SOX5: variants seen among roughly 807,000 people sequenced by gnomAD.
SOX5 encodes the protein SRY-box transcription factor 5, also known as transcription factor SOX-5.
In SOX5, 9 loss-of-function variants were observed where a neutral mutation model predicts 92.0. That is an observed-to-expected ratio of 0.10 (90% CI 0.06 to 0.17). The LOEUF (loss-of-function observed/expected upper bound fraction) is 0.17. Among genes scored for constraint, SOX5 ranks in the 10% least tolerant of loss-of-function variants. The probability of loss-of-function intolerance (pLI) is 1.00; values close to 1 mark genes in which losing one functional copy is unlikely to be tolerated. For synonymous variants in SOX5, 344 were observed against 336.3 expected, an observed-to-expected ratio of 1.02 and a Z score of -0.25; for missense variants, 642 against 944.5, an observed-to-expected ratio of 0.68 and a Z score of 4.20.
At chr12:23,883,891 GATA>G (rs1568610983) in intron 2 of SOX5, among the ~76,000 whole-genome samples, 1 of 152,124 alleles carries the variant, frequency 6.6e-6, no homozygotes, top group African/African-American at 2.4e-5. Context: ...TTGACTGAGA[GATA>G]ATATCTCAGA....
intron 2 of SOX5, among the ~76,000 whole-genome samples, chr12:24,301,315 T>A (rs1349055862): frequency 6.6e-6 from 1 of 152,106 alleles, no homozygotes; most frequent in Non-Finnish European, 1.5e-5. Context: ...AAATGCCTTA[T>A]CTTAAGTGTC....
intron 8 of SOX5, among the ~76,000 whole-genome samples, chr12:23,622,845 G>C (rs769403528): frequency 2.5e-4 from 38 of 151,990 alleles, no homozygotes; most frequent in Admixed American, 5.3e-4. Context: ...CAGAAAATCA[G>C]AAACGAAATT....
intron 3 of SOX5, among the ~76,000 whole-genome samples, chr12:23,822,323 G>A (rs2096136244): frequency 6.6e-6 from 1 of 152,164 alleles, no homozygotes; most frequent in African/African-American, 2.4e-5. Context: ...GGTACATTGT[G>A]TCTTAGTTCT....
intron 4 of SOX5, among the ~76,000 whole-genome samples, chr12:24,085,956 T>C (rs1290493347): frequency 7.2e-6 from 1 of 138,476 alleles, no homozygotes; most frequent in Non-Finnish European, 1.6e-5. Flanking sequence ...ACGGATATGC[T>C]AAAAAAAAAA....
chr12:24,411,241 AT>A (rs1395752427), intron 1 of SOX5, among the ~76,000 whole-genome samples: 1 of 151,942 alleles, frequency 6.6e-6, no homozygotes, highest in Non-Finnish European at 1.5e-5. Context: ...CACATAAACA[AT>A]GATATCAAAT....
At chr12:24,464,071 T>C (rs950484214) in intron 1 of SOX5, among the ~76,000 whole-genome samples, 12 of 152,206 alleles carry the variant, frequency 7.9e-5, no homozygotes, top group Non-Finnish European at 1.6e-4. Context: ...TAGGGACTAC[T>C]CTAGATAGGA....
chr12:24,048,566 G>A (rs1037677297), intron 4 of SOX5, among the ~76,000 whole-genome samples: 6 of 152,070 alleles, frequency 3.9e-5, no homozygotes, highest in African/African-American at 1.4e-4. Flanking sequence ...TATTTATAAT[G>A]TGAATTCATA....
intron 4 of SOX5, among the ~76,000 whole-genome samples, chr12:24,142,639 C>T (rs928631990): frequency 1.3e-5 from 2 of 151,886 alleles, no homozygotes; most frequent in Non-Finnish European, 2.9e-5. Context: ...CAATGCTTTG[C>T]AAATATTGAA....
At chr12:23,615,015 G>C (rs900635208) in intron 8 of SOX5, among the ~76,000 whole-genome samples, 4 of 151,780 alleles carry the variant, frequency 2.6e-5, no homozygotes, top group Non-Finnish European at 5.9e-5. Flanking sequence ...TGTTGGTCAG[G>C]ATGTTCTCGA....
rs1555235765 is a variant in SOX5 at position 24,335,987 on chromosome 12, A to ATATATATATATATATATATATC, written c.-174+32575_-174+32576insGATATATATATATATATATATA. Among the ~76,000 whole-genome samples the ATATATATATATATATATATATC allele has an allele frequency of 1.1e-3, 142 of 134,248 alleles. 5 individuals carry two copies. The highest frequency in any genetic ancestry group is 6.6e-3 in the East Asian group (18 of 2,744). The allele number at this position is 134,248 out of a possible 152,430, so 88.1% of individuals were successfully genotyped here. ...GAAATGCTATCATATATATATATAT[A>ATATATATATATATATATATATC]TCCATAATATTAAATTTTTCTTGTT... On this transcript the variant is annotated intron_variant, in intron 2 of 4. Coordinates refer to the SOX5 transcript ENST00000446891.
At chr12:24,251,035 TA>T (rs1486227146) in intron 3 of SOX5, among the ~76,000 whole-genome samples, 3 of 152,222 alleles carry the variant, frequency 2.0e-5, no homozygotes, top group East Asian at 3.8e-4. Flanking sequence ...CATCCAAGAC[TA>T]AATTTCGTGG....
chr12:24,405,426 GA>G (rs1424033599), intron 1 of SOX5, among the ~76,000 whole-genome samples: 1 of 152,186 alleles, frequency 6.6e-6, no homozygotes, highest in African/African-American at 2.4e-5. Flanking sequence ...ACAGGGCACT[GA>G]GGGGGTGTCA....
intron 1 of SOX5, among the ~76,000 whole-genome samples, chr12:24,412,110 G>A (rs1268864182): frequency 6.6e-6 from 1 of 152,096 alleles, no homozygotes; most frequent in African/African-American, 2.4e-5. Context: ...AGAGTCTGCA[G>A]TGATACATCC....
intron 1 of SOX5, among the ~76,000 whole-genome samples, chr12:24,408,416 A>G (rs1323413357): frequency 6.6e-6 from 1 of 152,210 alleles, no homozygotes; most frequent in Non-Finnish European, 1.5e-5. Context: ...CATCGGTAAC[A>G]GCTTGCAGAA....
At chr12:24,499,327 AG>A (rs1217638900) in intron 1 of SOX5, among the ~76,000 whole-genome samples, 1 of 152,220 alleles carries the variant, frequency 6.6e-6, no homozygotes, top group African/African-American at 2.4e-5. Flanking sequence ...AGGGCTTAAG[AG>A]GAATGTCTTG....
intron 4 of SOX5, among the ~76,000 whole-genome samples, chr12:23,743,665 A>G (rs1191437158): frequency 1.3e-5 from 2 of 152,206 alleles, no homozygotes; most frequent in African/African-American, 2.4e-5. Context: ...ATTTCACCTC[A>G]ACATGCGGAA....
At chr12:24,185,999 T>C (rs930657140) in intron 4 of SOX5, among the ~76,000 whole-genome samples, 1 of 152,028 alleles carries the variant, frequency 6.6e-6, no homozygotes, top group African/African-American at 2.4e-5. Flanking sequence ...TGCTCTCAAC[T>C]AGATAACATG....
intron 1 of SOX5, among the ~76,000 whole-genome samples, chr12:24,538,071 T>C (rs182363685): frequency 6.6e-6 from 1 of 152,308 alleles, no homozygotes; most frequent in Admixed American, 6.5e-5. Flanking sequence ...AGCAATATTC[T>C]CCAAAGCTAT....
intron 4 of SOX5, among the ~76,000 whole-genome samples, chr12:24,150,948 A>T (rs1951593869): frequency 6.6e-6 from 1 of 152,152 alleles, no homozygotes; most frequent in South Asian, 2.1e-4. Context: ...TGATCATTGC[A>T]CAGGAGATAA....
Sources: gnomAD v4.1 joint callset for allele counts (sites outside exome capture counted in the v4.1 genomes callset) on GRCh38, gnomAD v4.1.1 for gene constraint, MANE v1.5 for transcripts, NCBI Gene and HGNC (gene_info 2026-07-23, HGNC 2026-07-21) for gene names.